Variants in DOCK9 observed in about 807,000 individuals in gnomAD.
The protein encoded by DOCK9 is dedicator of cytokinesis protein 9.
DOCK9 carries 89 observed loss-of-function variants against 263.3 expected under a neutral mutation model. That is an observed-to-expected ratio of 0.34 (90% CI 0.28 to 0.40). DOCK9 has a LOEUF of 0.40. DOCK9 is among the 10% of genes least tolerant of loss of function. The probability of loss-of-function intolerance (pLI) is 1.00; values close to 1 mark genes in which losing one functional copy is unlikely to be tolerated. For missense variants in DOCK9, 2,140 were observed against 2,603.4 expected, an observed-to-expected ratio of 0.82 and a Z score of 3.87; for synonymous variants, 976 against 973.1, an observed-to-expected ratio of 1.00 and a Z score of -0.06.
intron 1 of DOCK9, among the ~76,000 whole-genome samples, chr13:99,032,896 G>A (rs920307522): frequency 6.6e-6 from 1 of 152,140 alleles, no homozygotes; most frequent in Non-Finnish European, 1.5e-5. Context: ...GAGTAGTGAG[G>A]TTACACATTC....
chr13:98,810,055 C>G (rs942983194), intron 46 of DOCK9, 114 bp downstream of exon 46: 9 of 1,418,194 alleles, frequency 6.3e-6, no homozygotes, highest in Admixed American at 1.8e-5. Flanking sequence ...GGTCAGAGAC[C>G]CCCACTCATC....
chr13:99,056,050 G>C (rs930776960), intron 1 of DOCK9, among the ~76,000 whole-genome samples: 1 of 152,208 alleles, frequency 6.6e-6, no homozygotes, highest in Admixed American at 6.5e-5. Context: ...TCTGGTTACT[G>C]TATTCTATAC....
intron 6 of DOCK9, 97 bp downstream of exon 6, chr13:98,921,954 G>A: frequency 1.9e-6 from 2 of 1,058,976 alleles, no homozygotes; most frequent in South Asian, 3.1e-5. Flanking sequence ...CCTTTTGTGG[G>A]GAAGAACAGC....
At chr13:98,951,832 G>A (rs1275165546) in intron 2 of DOCK9, among the ~76,000 whole-genome samples, 3 of 152,194 alleles carry the variant, frequency 2.0e-5, no homozygotes, top group South Asian at 2.1e-4. Context: ...AGCTAGTGAC[G>A]GCTGCAGGCC....
chr13:99,047,753 C>T (rs912881924), intron 1 of DOCK9, among the ~76,000 whole-genome samples: 1 of 152,046 alleles, frequency 6.6e-6, no homozygotes, highest in Non-Finnish European at 1.5e-5. Flanking sequence ...GAACTCCTGA[C>T]TTCAGGCGAT....
chr13:99,042,339 A>G (rs1190649238), intron 1 of DOCK9, among the ~76,000 whole-genome samples: 1 of 152,102 alleles, frequency 6.6e-6, no homozygotes, highest in Admixed American at 6.5e-5. Flanking sequence ...TCCCTTCCAT[A>G]CCTTCTGTCC....
intron 1 of DOCK9, among the ~76,000 whole-genome samples, chr13:98,965,719 G>A (rs564629036): frequency 2.0e-5 from 3 of 152,212 alleles, no homozygotes; most frequent in Non-Finnish European, 4.4e-5. Context: ...TTAGAAATAA[G>A]CTCAAACCTG....
In DOCK9 at chr13:98,977,873, C is replaced by T. The variant is rs1352218308; in HGVS notation, c.37G>A (p.Val13Ile). 5 of 1,601,328 alleles carry T rather than the reference C, an allele frequency of 3.1e-6. No individual in the cohort carries two copies. Among genetic ancestry groups the T allele is most frequent in the East Asian group, 2.2e-5 (1 of 44,568 alleles). ...GACTCAATCACCAGTTCCTTTTTGA[C>T]ACTTCTACTACTTGTCCTGCATTTA... ...ADKCRTSSRSVKKELVIESPL... is the reference protein window; with the variant it reads ...ADKCRTSSRSIKKELVIESPL... The change falls in exon 1 of 53, where the codon GTC (valine) becomes ATC (isoleucine). Residue 13 changes from valine (V) to isoleucine (I), a missense_variant. Physicochemically the swap from Val to Ile is conservative, Grantham distance 29. This residue lies in a region of DOCK9 where 1,521 missense variants were observed against 1,741.7 expected (regional missense o/e 0.87). Transcript: ENST00000682017.
At chr13:98,948,643 C>T (rs1383894746) in intron 2 of DOCK9, among the ~76,000 whole-genome samples, 4 of 152,304 alleles carry the variant, frequency 2.6e-5, no homozygotes, top group South Asian at 2.1e-4. Flanking sequence ...CACCACCATC[C>T]ATCTCCAAAA....
At chr13:98,807,295 C>T (rs2090838688) in intron 48 of DOCK9, among the ~76,000 whole-genome samples, 1 of 152,228 alleles carries the variant, frequency 6.6e-6, no homozygotes, top group African/African-American at 2.4e-5. Context: ...CCTGTCCTTA[C>T]ATCCAGCCGT....
At chr13:98,835,579 C>T (rs2092961016) in intron 39 of DOCK9, among the ~76,000 whole-genome samples, 1 of 152,102 alleles carries the variant, frequency 6.6e-6, no homozygotes, top group Non-Finnish European at 1.5e-5. Flanking sequence ...GGGATCAGGC[C>T]CTTTGCCACA....
chr13:98,938,234 A>G (rs1224589209), intron 2 of DOCK9, among the ~76,000 whole-genome samples: 1 of 152,226 alleles, frequency 6.6e-6, no homozygotes, highest in African/African-American at 2.4e-5. Flanking sequence ...GTTTCATTCA[A>G]CTTCTGATCT....
At chr13:98,838,262 G>A (rs1159945932) in intron 38 of DOCK9, among the ~76,000 whole-genome samples, 1 of 152,210 alleles carries the variant, frequency 6.6e-6, no homozygotes, top group Non-Finnish European at 1.5e-5. Flanking sequence ...TGCCTCATCT[G>A]TAGAATGGGG....
intron 34 of DOCK9, 128 bp from the exon 35 acceptor site, chr13:98,853,650 T>A: frequency 1.4e-6 from 1 of 698,812 alleles, no homozygotes; most frequent in African/African-American, 1.8e-5. Context: ...TGCAAGTAAC[T>A]TGCTGACAAT....
At chr13:98,831,011 G>C (rs2092739953) in intron 41 of DOCK9, among the ~76,000 whole-genome samples, 1 of 152,168 alleles carries the variant, frequency 6.6e-6, no homozygotes. Context: ...GGACAGAAAA[G>C]AACCACTTAG....
intron 27 of DOCK9, among the ~76,000 whole-genome samples, chr13:98,872,800 C>A (rs2094222358): frequency 1.3e-5 from 2 of 152,230 alleles, no homozygotes; most frequent in South Asian, 4.1e-4. Context: ...CTCTGCCCTG[C>A]TGACACAATG....
At chr13:98,883,005 T>G in intron 23 of DOCK9, 37 bp downstream of exon 23, 1 of 1,572,676 alleles carries the variant, frequency 6.4e-7, no homozygotes, top group East Asian at 2.2e-5. Context: ...TACTCCAAAC[T>G]CACTTAAAAG....
At position 98,898,173 on chromosome 13, in the gene DOCK9, C is replaced by T. The variant is rs2047721062; in HGVS notation, c.1586+6G>A. The stretch of plus-strand genomic sequence containing the variant: ...CGATTTAAAAGGTATAAAAGGTGTT[C>T]CTTACCTTGCTGCCCAAGCAAATGG... On this transcript the variant is annotated splice_donor_region_variant and intron_variant, in intron 14 of 52. Coordinates refer to ENST00000682017, the MANE Select transcript of DOCK9 (RefSeq NM_001366683.2). The T allele has an allele frequency of 1.9e-6, 3 of 1,605,856 alleles. No individual in the cohort carries two copies. The highest frequency in any genetic ancestry group is 3.3e-4 in the Middle Eastern group (2 of 6,054).
intron 1 of DOCK9, among the ~76,000 whole-genome samples, chr13:98,970,191 T>C (rs937405571): frequency 6.6e-6 from 1 of 152,090 alleles, no homozygotes; most frequent in Non-Finnish European, 1.5e-5. Context: ...AAAGACAGGG[T>C]CTTGCTATGT....
Sources: allele counts gnomAD v4.1 joint callset (sites outside exome capture counted in the v4.1 genomes callset), GRCh38; gene constraint gnomAD v4.1.1; regional missense constraint gnomAD v4.1.1; transcripts MANE v1.5; gene names NCBI Gene and HGNC (gene_info 2026-07-23, HGNC 2026-07-21).